KNTC1: variants seen among roughly 807,000 people sequenced by gnomAD.
The protein encoded by KNTC1 is kinetochore-associated protein 1.
A neutral mutation model predicts 314.4 loss-of-function variants in KNTC1; 253 were observed. The ratio of observed to expected loss-of-function variants is 0.80; its 90% CI spans 0.73 to 0.89. KNTC1 has a LOEUF of 0.89. Among genes scored for constraint, KNTC1 ranks in the 40% least tolerant of loss-of-function variants. The pLI is 0.00. For synonymous variants in KNTC1, 901 were observed against 901.4 expected (o/e 1.00, Z 0.01); for missense variants, 2,475 against 2,572.9 (o/e 0.96, Z 0.82).
Position 122,530,157 on chromosome 12 carries a change from C to T in KNTC1, c.94C>T (p.Gln32Ter), listed in dbSNP as rs775975545. The T allele has an allele frequency of 6.2e-7, 1 of 1,613,338 alleles. No homozygotes were observed. The highest frequency in any genetic ancestry group is 8.5e-7 in the Non-Finnish European group (1 of 1,179,458). The change falls in exon 2 of 64, where the codon CAA becomes TAA. Residue 32 changes from glutamine to a stop codon, truncating the protein, a stop_gained. Coordinates refer to ENST00000333479, the MANE Select transcript of KNTC1 (RefSeq NM_014708.6). LOFTEE classifies it high-confidence loss of function. The part of the protein sequence containing the change: ...SRKEHGTALY[Q>*]VDLLVKISSE... ...AAAAGAACATGGAACTGCTTTATATCAAGTAGATTTGCTAGTGAAGATCTC... is the reference window on the plus strand; with the variant it reads ...AAAAGAACATGGAACTGCTTTATATTAAGTAGATTTGCTAGTGAAGATCTC...
At chr12:122,573,894 C>T (rs1964858503) in intron 26 of KNTC1, among the ~76,000 whole-genome samples, 1 of 152,100 alleles carries the variant, frequency 6.6e-6, no homozygotes, top group Non-Finnish European at 1.5e-5. Context: ...CCTGAGTTTT[C>T]CTTAGTGATC....
intron 1 of KNTC1, among the ~76,000 whole-genome samples, chr12:122,529,147 C>T (rs1961098972): frequency 6.6e-6 from 1 of 152,010 alleles, no homozygotes; most frequent in Non-Finnish European, 1.5e-5. Flanking sequence ...CCGGCCTGGT[C>T]TGTATATTCC....
chr12:122,553,269 A>G (rs1963322541), intron 16 of KNTC1, among the ~76,000 whole-genome samples: 2 of 152,172 alleles, frequency 1.3e-5, no homozygotes, highest in Admixed American at 1.3e-4. Context: ...CTGGCTAAGC[A>G]TACACATTGG....
Position 122,624,695 on chromosome 12 carries a change from CT to C in KNTC1, c.6606+8del. The C allele has an allele frequency of 1.2e-6, 2 of 1,605,570 alleles. No individual in the cohort carries two copies. The highest frequency in any genetic ancestry group is 1.7e-6 in the Non-Finnish European group (2 of 1,172,284). On this transcript the variant is annotated splice_region_variant and intron_variant, in intron 63 of 63. Transcript: ENST00000333479. ...TCCCTGTGAAATTCTGAAGGTAAAG[CT>C]GATGGAAAGTTCTTAGGTTCTAACT...
chr12:122,538,978 C>A (rs1396106780), intron 4 of KNTC1, among the ~76,000 whole-genome samples: 6 of 152,202 alleles, frequency 3.9e-5, no homozygotes, highest in Non-Finnish European at 8.8e-5. Flanking sequence ...TTGAAGTCCA[C>A]CTTGTCTTCA....
At chr12:122,546,784 C>A in intron 10 of KNTC1, 110 bp downstream of exon 10, 1 of 600,814 alleles carries the variant, frequency 1.7e-6, no homozygotes, top group Non-Finnish European at 2.8e-6. Context: ...ATCTTGTGTA[C>A]TGTGCTTTTT....
At chr12:122,557,342 A>G in intron 16 of KNTC1, 42 bp from the exon 17 acceptor site, 1 of 1,586,290 alleles carries the variant, frequency 6.3e-7, no homozygotes, top group Non-Finnish European at 8.6e-7. Context: ...CACAGGTATT[A>G]TTGTACTTCA....
intron 43 of KNTC1, among the ~76,000 whole-genome samples, chr12:122,596,542 A>G (rs1357603569): frequency 6.6e-6 from 1 of 151,936 alleles, no homozygotes; most frequent in Non-Finnish European, 1.5e-5. Flanking sequence ...TAAAAAAAAA[A>G]AACAAAACAG....
chr12:122,560,523 C>A (rs1963904482), intron 18 of KNTC1, among the ~76,000 whole-genome samples: 1 of 152,086 alleles, frequency 6.6e-6, no homozygotes, highest in Non-Finnish European at 1.5e-5. Context: ...CAGACATGTG[C>A]CTCCACGCCC....
Position 122,572,982 on chromosome 12 carries a change from GT to G in KNTC1, c.2066del (p.Val689GlufsTer7). On this transcript the variant is annotated frameshift_variant, in exon 25 of 64. Transcript: ENST00000333479. LOFTEE classifies it high-confidence loss of function. ...GGAAGTATGTCAGCTAAGGACTTTG[GT>G]AAATAACTTGCGAGAGTTGATCACG... ...TEEVCQLRTL[V>X]NNLRELITLH... The G allele has an allele frequency of 6.2e-7, 1 of 1,606,060 alleles. No individual in the cohort carries two copies. The highest frequency in any genetic ancestry group is 8.5e-7 in the Non-Finnish European group (1 of 1,174,986).
chr12:122,560,021 C>T (rs750449255), intron 18 of KNTC1, among the ~76,000 whole-genome samples: 18 of 152,152 alleles, frequency 1.2e-4, no homozygotes, highest in Non-Finnish European at 2.4e-4. Flanking sequence ...CTCCCCAGCC[C>T]CTGGCAAACC....
chr12:122,591,478 A>G, intron 42 of KNTC1, 25 bp downstream of exon 42: 2 of 1,135,768 alleles, frequency 1.8e-6, no homozygotes, highest in Non-Finnish European at 2.6e-6. Context: ...TACTGCTGTC[A>G]TCGATTCTGT....
At chr12:122,605,523 A>G (rs558432714) in intron 51 of KNTC1, 108 bp downstream of exon 51, 57 of 585,394 alleles carry the variant, frequency 9.7e-5, no homozygotes, top group African/African-American at 9.3e-4. Context: ...TTAGGAGCGC[A>G]GACTCTTCAA....
intron 1 of KNTC1, among the ~76,000 whole-genome samples, chr12:122,529,218 C>T (rs188284096): frequency 7.9e-5 from 12 of 152,228 alleles, no homozygotes; most frequent in Admixed American, 7.9e-4. Flanking sequence ...AGGACAGCTG[C>T]CTAGTCATTG....
chr12:122,552,360 G>C lies in KNTC1; in HGVS notation c.1272+664G>C, dbSNP rs529160936. ...TAGAATGTAGGTTATATGGGCAGCA[G>C]AGTAAAAGAAGATGATGATGATGCA... On this transcript the variant is annotated intron_variant, in intron 16 of 63. Coordinates refer to ENST00000333479, the MANE Select transcript of KNTC1 (RefSeq NM_014708.6). Among the ~76,000 whole-genome samples, 12 of 152,192 alleles carry C rather than the reference G, an allele frequency of 7.9e-5. No individual in the cohort carries two copies. The South Asian group carries it at 2.1e-3, about 26-fold the overall frequency.
rs1869732732 is a variant in KNTC1, at chr12:122,588,775, G to C, written c.3958G>C (p.Val1320Leu). 2 of 1,566,036 alleles carry C rather than the reference G, an allele frequency of 1.3e-6. No individual in the cohort carries two copies. Among genetic ancestry groups the C allele is most frequent in the Non-Finnish European group, 1.7e-6 (2 of 1,155,010 alleles). Residue 1320 changes from valine (V) to leucine (L), a missense_variant, in exon 40 of 64, where the codon GTT becomes CTT. Val to Leu is a conservative substitution (Grantham distance 32, BLOSUM62 1). Transcript: ENST00000333479. ...TGTTATGGAATTGAAAGAAAAAGCT[G>C]TTATATTTATCAGGGAAAATGCTAC... ...HVVMELKEKA[V>L]IFIRENATTL... is the part of the protein sequence containing the mutation.
At chr12:122,618,104 T>A (rs1035511408) in intron 57 of KNTC1, among the ~76,000 whole-genome samples, 1 of 152,184 alleles carries the variant, frequency 6.6e-6, no homozygotes, top group Non-Finnish European at 1.5e-5. Flanking sequence ...CCCGAGTAGC[T>A]GGGATTACAA....
intron 21 of KNTC1, 44 bp from the exon 22 acceptor site, chr12:122,569,637 G>T (rs1328818741): frequency 1.3e-5 from 21 of 1,561,764 alleles, no homozygotes; most frequent in Non-Finnish European, 1.7e-5. Flanking sequence ...GAAGCCTTTG[G>T]TTTAAATTTG....
rs1371548731 is a variant in KNTC1, at chr12:122,571,129, A to T, written c.2019+3A>T. 1.2e-6 allele frequency: 2 copies of T among 1,604,388 alleles called. No individual in the cohort carries two copies. Among genetic ancestry groups the T allele is most frequent in the Admixed American group, 3.3e-5 (2 of 59,952 alleles). ...CTTCCTGGCATTGGATTTCCTTGGTATGATGTGAGAATGGATTTTTAGTAA... is the reference window on the plus strand; with the variant it reads ...CTTCCTGGCATTGGATTTCCTTGGTTTGATGTGAGAATGGATTTTTAGTAA... On this transcript the variant is annotated splice_donor_region_variant and intron_variant, in intron 24 of 63. Transcript: ENST00000333479.
Sources: allele counts gnomAD v4.1 joint callset (sites outside exome capture counted in the v4.1 genomes callset), GRCh38; gene constraint gnomAD v4.1.1; transcripts MANE v1.5; gene names NCBI Gene and HGNC (gene_info 2026-07-23, HGNC 2026-07-21).